Variants in ATP9B observed in about 807,000 individuals in gnomAD.
The protein encoded by ATP9B is probable phospholipid-transporting ATPase IIB.
Under a neutral mutation model 146.1 loss-of-function variants are expected in ATP9B, and 110 were observed. The observed-to-expected ratio is 0.75, with a 90% CI of 0.65 to 0.88. The LOEUF (loss-of-function observed/expected upper bound fraction) is 0.88, where lower values mean the gene tolerates loss of function less well. Ranked by LOEUF, ATP9B falls within the 40% of genes least tolerant of loss-of-function variation. ATP9B has a pLI of 0.00. For synonymous variants in ATP9B, 604 were observed against 569.7 expected (o/e 1.06, Z -0.86); for missense variants, 1,499 against 1,496.4 (o/e 1.00, Z -0.03).
Position 79,069,414 on chromosome 18 carries a change from G to A in ATP9B, c.4G>A (p.Ala2Thr), listed in dbSNP as rs1464617075. M[A>T]DQIPLYPVRS... The stretch of plus-strand genomic sequence containing the variant: ...GCGGGAAAGGGGCGGTCGGAACATG[G>A]CGGACCAGATCCCGCTTTACCCGGT... Residue 2 changes from alanine to threonine, a missense_variant, in exon 1 of 30, where the codon GCG becomes ACG. Physicochemically the swap from Ala to Thr is moderately conservative, Grantham distance 58 (BLOSUM62 0). Transcript: ENST00000426216. 3 of 1,516,804 alleles carry A rather than the reference G, an allele frequency of 2.0e-6. No homozygotes were observed. Among genetic ancestry groups the A allele is most frequent in the East Asian group, 2.7e-5 (1 of 36,642 alleles). The allele number at this position is 1,516,804 out of a possible 1,614,324, so 94.0% of individuals were successfully genotyped here.
intron 15 of ATP9B, among the ~76,000 whole-genome samples, chr18:79,327,542 C>T (rs996927951): frequency 3.3e-4 from 44 of 131,854 alleles, no homozygotes; most frequent in African/African-American, 1.2e-3. Context: ...GGTTAGCGTG[C>T]TCTCCGTGGT....
chr18:79,239,297 T>A lies in ATP9B; in HGVS notation c.1108-14084T>A, dbSNP rs1447491360. 6.6e-6 allele frequency among the ~76,000 whole-genome samples: 1 copy of A among 152,220 alleles called. No individual in the cohort carries two copies. Among genetic ancestry groups the A allele is most frequent in the Non-Finnish European group, 1.5e-5 (1 of 68,036 alleles). ...CCCTCTTATTTCCACCGCTCCACAA[T>A]TCATGACAAGTGCTGCATCTTGAAA... On this transcript the variant is annotated intron_variant, in intron 11 of 29. Coordinates refer to ENST00000426216, the MANE Select transcript of ATP9B (RefSeq NM_198531.5). This position sits in a 1 kb window ranked among gnomAD's most constrained non-coding sequence, Gnocchi z 5.1.
chr18:79,234,825 C>G (rs759595334), intron 11 of ATP9B, among the ~76,000 whole-genome samples: 17 of 152,138 alleles, frequency 1.1e-4, no homozygotes, highest in Non-Finnish European at 2.5e-4. Flanking sequence ...TATAAGATTT[C>G]CTTGGTTCAG....
At chr18:79,114,252 G>A (rs557622838) in intron 4 of ATP9B, among the ~76,000 whole-genome samples, 6 of 152,262 alleles carry the variant, frequency 3.9e-5, no homozygotes, top group South Asian at 2.1e-4. Context: ...GAGCCACTGC[G>A]CCTGGCCACT....
intron 7 of ATP9B, among the ~76,000 whole-genome samples, chr18:79,158,707 T>G (rs948829588): frequency 3.9e-5 from 6 of 152,256 alleles, no homozygotes; most frequent in Admixed American, 6.5e-5. Context: ...ATACTTTATA[T>G]GATTTCTATC....
chr18:79,125,353 T>G (rs116762284), intron 4 of ATP9B, among the ~76,000 whole-genome samples: 1,629 of 152,294 alleles, frequency 0.011, 18 homozygotes, highest in African/African-American at 0.028. Context: ...AATCCATGTT[T>G]AAGTCATGAC....
chr18:79,077,388 T>C (rs1361537663), intron 1 of ATP9B, among the ~76,000 whole-genome samples: 2 of 152,282 alleles, frequency 1.3e-5, no homozygotes, highest in Middle Eastern at 3.4e-3. Flanking sequence ...CAGTGGTCTC[T>C]GCTAACAATA....
At chr18:79,299,384 C>G (rs533327672) in intron 13 of ATP9B, among the ~76,000 whole-genome samples, 2 of 152,342 alleles carry the variant, frequency 1.3e-5, no homozygotes, top group African/African-American at 4.8e-5. Context: ...GTGCGAGCCA[C>G]ATACAGTTCC....
intron 5 of ATP9B, among the ~76,000 whole-genome samples, chr18:79,141,230 A>G (rs1019937706): frequency 6.6e-6 from 1 of 152,068 alleles, no homozygotes; most frequent in Non-Finnish European, 1.5e-5. Flanking sequence ...GGCACTTCTC[A>G]TTGCTGCCAC....
chr18:79,316,013 A>C (rs1186794058), intron 15 of ATP9B, among the ~76,000 whole-genome samples: 1 of 152,228 alleles, frequency 6.6e-6, no homozygotes, highest in Non-Finnish European at 1.5e-5. Flanking sequence ...GTCTTTCTGC[A>C]TTTCAGAGAA....
chr18:79,233,393 A>G (rs1049664727), intron 11 of ATP9B, among the ~76,000 whole-genome samples: 1 of 152,232 alleles, frequency 6.6e-6, no homozygotes, highest in Non-Finnish European at 1.5e-5. Flanking sequence ...CCAAGACACT[A>G]GACCACAAAT....
At chr18:79,106,633 A>C (rs2075669391) in intron 2 of ATP9B, among the ~76,000 whole-genome samples, 1 of 152,240 alleles carries the variant, frequency 6.6e-6, no homozygotes, top group African/African-American at 2.4e-5. Context: ...GTACACAATA[A>C]AATTATTAGT....
chr18:79,281,868 T>C (rs4799030), intron 13 of ATP9B, among the ~76,000 whole-genome samples: 66,916 of 152,068 alleles, frequency 0.44, 14,936 homozygotes, highest in Middle Eastern at 0.56. Context: ...TACTAATGGA[T>C]CTACTGATAG....
At chr18:79,162,797 C>T (rs2094903348) in intron 7 of ATP9B, among the ~76,000 whole-genome samples, 1 of 152,202 alleles carries the variant, frequency 6.6e-6, no homozygotes, top group African/African-American at 2.4e-5. Flanking sequence ...CGATCTCTTT[C>T]AGAGCTGTTG....
At chr18:79,164,576 A>G (rs1193914044) in intron 7 of ATP9B, among the ~76,000 whole-genome samples, 1 of 152,010 alleles carries the variant, frequency 6.6e-6, no homozygotes, top group Non-Finnish European at 1.5e-5. Context: ...AAAATTAGCC[A>G]GACATGGTGG....
At position 79,359,382 on chromosome 18, in the gene ATP9B, G is replaced by T; in HGVS notation, c.2932G>T (p.Val978Leu). ...GYATIYTMFP[V>L]FSLVLDQDVK... ...TGCCACCATATACACCATGTTCCCAGTGTTCTCCTTAGTGCTGGACCAGGA... is the reference window on the plus strand; with the variant it reads ...TGCCACCATATACACCATGTTCCCATTGTTCTCCTTAGTGCTGGACCAGGA... Residue 978 changes from valine (V) to leucine (L), a missense_variant, in exon 26 of 30, where the codon GTG (valine) becomes TTG (leucine). Transcript: ENST00000426216. 6.2e-7 allele frequency: 1 copy of T among 1,613,922 alleles called. No homozygotes were observed. The highest frequency in any genetic ancestry group is 8.5e-7 in the Non-Finnish European group (1 of 1,179,830).
chr18:79,339,678 CATG>C (rs1345881836), intron 19 of ATP9B, among the ~76,000 whole-genome samples: 1 of 149,154 alleles, frequency 6.7e-6, no homozygotes, highest in Non-Finnish European at 1.5e-5. Flanking sequence ...GGAAGTGTGT[CATG>C]ATCGCAGTAG....
intron 11 of ATP9B, among the ~76,000 whole-genome samples, chr18:79,247,986 TA>T (rs1326844425): frequency 6.6e-6 from 1 of 152,220 alleles, no homozygotes; most frequent in Non-Finnish European, 1.5e-5. Flanking sequence ...TGATAAATTG[TA>T]ACATTAAGAA....
chr18:79,301,085 T>A (rs2096587458), intron 13 of ATP9B, among the ~76,000 whole-genome samples: 1 of 152,230 alleles, frequency 6.6e-6, no homozygotes, highest in Admixed American at 6.5e-5. Context: ...TGGGCACACA[T>A]AATAGAGGCA....
Sources: gnomAD v4.1 joint callset for allele counts (sites outside exome capture counted in the v4.1 genomes callset) on GRCh38, gnomAD v4.1.1 for gene constraint, Gnocchi (gnomAD v3.1) non-coding constraint, MANE v1.5 for transcripts, NCBI Gene and HGNC (gene_info 2026-07-23, HGNC 2026-07-21) for gene names.